PLCL2: variants seen among roughly 807,000 people sequenced by gnomAD.
PLCL2 encodes inactive phospholipase C-like protein 2.
In PLCL2, 4 loss-of-function variants were observed where a neutral mutation model predicts 79.6. That is an observed-to-expected ratio of 0.05 (90% CI 0.02 to 0.11). PLCL2 has a LOEUF of 0.11. Among genes scored for constraint, PLCL2 ranks in the 10% least tolerant of loss-of-function variants. PLCL2 has a pLI of 1.00. For synonymous variants in PLCL2, 484 were observed against 457.7 expected, an observed-to-expected ratio of 1.06 and a Z score of -0.73; for missense variants, 895 against 1,291.0, an observed-to-expected ratio of 0.69 and a Z score of 4.70.
At chr3:16,960,770 T>A (rs2063747409) in intron 1 of PLCL2, among the ~76,000 whole-genome samples, 1 of 152,224 alleles carries the variant, frequency 6.6e-6, no homozygotes, top group African/African-American at 2.4e-5. Flanking sequence ...TTCCATATAC[T>A]ACCATTTCCT....
At chr3:16,897,615 G>A (rs1233686338) in intron 1 of PLCL2, among the ~76,000 whole-genome samples, 5 of 152,212 alleles carry the variant, frequency 3.3e-5, no homozygotes, top group South Asian at 4.1e-4. Flanking sequence ...ATTATAAATC[G>A]GCACTTGCCA....
intron 1 of PLCL2, among the ~76,000 whole-genome samples, chr3:16,929,630 C>T (rs1203092177): frequency 6.6e-6 from 1 of 152,162 alleles, no homozygotes; most frequent in East Asian, 1.9e-4. Context: ...TGCTGTTTTT[C>T]TGACCAGGAA....
At chr3:17,064,699 T>A (rs1173008796) in intron 4 of PLCL2, among the ~76,000 whole-genome samples, 1 of 152,092 alleles carries the variant, frequency 6.6e-6, no homozygotes, top group Non-Finnish European at 1.5e-5. Context: ...ATCAGTCATT[T>A]CTAAGTTAAT....
Position 17,011,599 on chromosome 3 carries a change from C to A in PLCL2, c.2253C>A (p.Val751=), listed in dbSNP as rs1011077115. ...ATACAAAAGACTCTGTCCCAGGGGT[C>A]TCACCTCAACTTCTTCACATTAAAA... The part of the protein sequence containing the change: ...SANTKDSVPG[V]SPQLLHIKII... The change falls in exon 2 of 6, where the codon GTC becomes GTA. Residue 751 remains valine, a synonymous_variant. Transcript: ENST00000615277. The surrounding 1 kb of genome is among the most constrained non-coding windows in gnomAD (Gnocchi z 7.9). 1 of 1,614,120 alleles carries A rather than the reference C, an allele frequency of 6.2e-7. No individual in the cohort carries two copies. Among genetic ancestry groups the A allele is most frequent in the African/African-American group, 1.3e-5 (1 of 75,040 alleles).
chr3:17,057,815 G>A (rs930654356), intron 4 of PLCL2, among the ~76,000 whole-genome samples: 9 of 152,186 alleles, frequency 5.9e-5, no homozygotes, highest in Admixed American at 3.9e-4. Flanking sequence ...AACAGTGTTT[G>A]GTACAAAGCC....
chr3:16,885,309 T>C lies in PLCL2; in HGVS notation c.270T>C (p.Cys90=), dbSNP rs979584654. 2 of 669,852 alleles carry C rather than the reference T, an allele frequency of 3.0e-6. No homozygotes were observed. Among genetic ancestry groups the C allele is most frequent in the African/African-American group, 3.7e-5 (2 of 54,684 alleles). 41.5% of individuals were successfully genotyped at this position (669,852 alleles called of 1,614,324 possible). The change falls in exon 1 of 6, where the codon TGT becomes TGC. Residue 90 remains cysteine (C), a synonymous_variant. Transcript: ENST00000615277. ...ALAPTPSAVV[C]TLPRESKPGG... is the part of the protein sequence containing the mutation. ...CCCCGACCCCCAGCGCGGTCGTCTG[T>C]ACCCTCCCCCGGGAGAGCAAGCCGG...
At chr3:16,974,792 A>T (rs913537529) in intron 1 of PLCL2, among the ~76,000 whole-genome samples, 4 of 152,234 alleles carry the variant, frequency 2.6e-5, no homozygotes, top group Middle Eastern at 3.2e-3. Flanking sequence ...GTGTTTTCTC[A>T]GTAGCACTAA....
In PLCL2 at chr3:16,904,503, A is replaced by G. The variant is rs562612487; in HGVS notation, c.327+19137A>G. Among the ~76,000 whole-genome samples the G allele has an allele frequency of 1.1e-4, 17 of 152,218 alleles. 1 individual carries two copies. The highest frequency in any genetic ancestry group is 1.9e-4 in the Non-Finnish European group (13 of 68,022). ...TTGGTGGCTCTCAGCCCTTTGAATG[A>G]GGCCTGTCTTTCAATTCAAGGCTTT... On this transcript the variant is annotated intron_variant, in intron 1 of 5. Transcript: ENST00000615277.
intron 1 of PLCL2, among the ~76,000 whole-genome samples, chr3:16,961,256 A>G (rs942462999): frequency 2.0e-5 from 3 of 152,222 alleles, no homozygotes; most frequent in Non-Finnish European, 4.4e-5. Context: ...TATCAAATCC[A>G]AAGACCTTTC....
intron 4 of PLCL2, among the ~76,000 whole-genome samples, chr3:17,053,991 C>T (rs1297535145): frequency 6.6e-6 from 1 of 152,138 alleles, no homozygotes; most frequent in Admixed American, 6.6e-5. Flanking sequence ...TCTTTTCTAC[C>T]ACATGGCCAG....
intron 1 of PLCL2, among the ~76,000 whole-genome samples, chr3:16,975,133 A>G (rs1178768108): frequency 6.6e-6 from 1 of 152,196 alleles, no homozygotes; most frequent in Non-Finnish European, 1.5e-5. Context: ...TTCCTCTAAA[A>G]TGTCTCAAAG....
intron 1 of PLCL2, among the ~76,000 whole-genome samples, chr3:16,929,247 GGACTTGTCTCA>G (rs1188039107): frequency 1.3e-5 from 2 of 152,100 alleles, no homozygotes; most frequent in Non-Finnish European, 2.9e-5. Context: ...CTCTGCACTA[GGACTTGTCTCA>G]GAGCCTATAG....
chr3:17,022,005 A>G (rs1436542320), intron 3 of PLCL2, among the ~76,000 whole-genome samples: 1 of 152,114 alleles, frequency 6.6e-6, no homozygotes, highest in Non-Finnish European at 1.5e-5. Context: ...TTGAGCCATC[A>G]CCACCTAGAG....
intron 1 of PLCL2, among the ~76,000 whole-genome samples, chr3:16,931,519 G>A (rs1274634511): frequency 6.6e-6 from 1 of 152,150 alleles, no homozygotes; most frequent in Non-Finnish European, 1.5e-5. Flanking sequence ...TAACCTGGTT[G>A]CATTGTCAAT....
At chr3:16,949,408 A>G (rs2063630376) in intron 1 of PLCL2, among the ~76,000 whole-genome samples, 1 of 152,218 alleles carries the variant, frequency 6.6e-6, no homozygotes, top group African/African-American at 2.4e-5. Context: ...AGCTTGTTTA[A>G]TGGCACTTTA....
At chr3:16,998,771 G>T (rs1287269249) in intron 1 of PLCL2, among the ~76,000 whole-genome samples, 8 of 152,238 alleles carry the variant, frequency 5.3e-5, no homozygotes, top group Admixed American at 2.6e-4. Flanking sequence ...ATGTCATTAT[G>T]GTCCTATGAT....
At chr3:17,070,137 G>A (rs577863045) in intron 5 of PLCL2, among the ~76,000 whole-genome samples, 10 of 152,224 alleles carry the variant, frequency 6.6e-5, no homozygotes, top group South Asian at 2.1e-4. Flanking sequence ...TGTGTGGTCC[G>A]GGAACCAGCA....
chr3:17,040,334 A>G (rs1202572677), intron 3 of PLCL2, among the ~76,000 whole-genome samples: 1 of 152,210 alleles, frequency 6.6e-6, no homozygotes, highest in Admixed American at 6.5e-5. Context: ...CGTATATTTT[A>G]TAGCTGGAAG....
intron 1 of PLCL2, among the ~76,000 whole-genome samples, chr3:16,976,581 CCTAGA>C (rs888648220): frequency 6.6e-6 from 1 of 152,168 alleles, no homozygotes; most frequent in Non-Finnish European, 1.5e-5. Flanking sequence ...CACAGCAACA[CCTAGA>C]CTAATGTTTG....
Sources: gnomAD v4.1 joint callset for allele counts (sites outside exome capture counted in the v4.1 genomes callset) on GRCh38, gnomAD v4.1.1 for gene constraint, Gnocchi (gnomAD v3.1) non-coding constraint, MANE v1.5 for transcripts, NCBI Gene and HGNC (gene_info 2026-07-23, HGNC 2026-07-21) for gene names.